MACROD2: variants seen among roughly 807,000 people sequenced by gnomAD.
MACROD2 encodes the protein mono-ADP ribosylhydrolase 2.
Under a neutral mutation model 70.4 loss-of-function variants are expected in MACROD2, and 36 were observed. The ratio of observed to expected loss-of-function variants is 0.51; its 90% CI spans 0.39 to 0.68. MACROD2 has a LOEUF of 0.68. Among genes scored for constraint, MACROD2 ranks in the 30% least tolerant of loss-of-function variants. The probability of loss-of-function intolerance (pLI) is 0.00; values close to 1 mark genes in which losing one functional copy is unlikely to be tolerated. For synonymous variants in MACROD2, 172 were observed against 178.8 expected, an observed-to-expected ratio of 0.96 and a Z score of 0.30; for missense variants, 496 against 538.4, an observed-to-expected ratio of 0.92 and a Z score of 0.78.
At chr20:14,176,204 A>T (rs1326132073) in intron 3 of MACROD2, among the ~76,000 whole-genome samples, 1 of 152,212 alleles carries the variant, frequency 6.6e-6, no homozygotes, top group African/African-American at 2.4e-5. Flanking sequence ...ACTATGAATC[A>T]TAGGATTGTG....
At chr20:14,223,556 G>A (rs913152308) in intron 3 of MACROD2, among the ~76,000 whole-genome samples, 1 of 149,260 alleles carries the variant, frequency 6.7e-6, no homozygotes, top group Non-Finnish European at 1.5e-5. Context: ...TGCCCAGGCT[G>A]GAGTGCAGTG....
chr20:14,433,883 A>G (rs1345222266), intron 3 of MACROD2, among the ~76,000 whole-genome samples: 20 of 152,154 alleles, frequency 1.3e-4, no homozygotes, highest in Admixed American at 1.3e-3. Context: ...TCTCTTCTCA[A>G]TGAAGCTTTA....
At chr20:15,420,705 C>T (rs758524730) in intron 6 of MACROD2, among the ~76,000 whole-genome samples, 17 of 151,932 alleles carry the variant, frequency 1.1e-4, no homozygotes, top group Non-Finnish European at 1.8e-4. Context: ...TTTAAATGTG[C>T]TTCTTCTTTA....
intron 5 of MACROD2, among the ~76,000 whole-genome samples, chr20:15,147,751 G>A (rs1030632371): frequency 1.3e-5 from 2 of 152,080 alleles, no homozygotes; most frequent in African/African-American, 2.4e-5. Flanking sequence ...CAACAAGACT[G>A]TTTATTTCAC....
intron 5 of MACROD2, among the ~76,000 whole-genome samples, chr20:14,956,173 G>A (rs569330565): frequency 2.0e-5 from 3 of 152,038 alleles, no homozygotes; most frequent in South Asian, 2.1e-4. Context: ...GGGGAAAAAA[G>A]CCTTGTTTAC....
intron 7 of MACROD2, among the ~76,000 whole-genome samples, chr20:15,482,955 T>G (rs928517389): frequency 3.9e-5 from 6 of 152,050 alleles, no homozygotes; most frequent in Non-Finnish European, 8.8e-5. Flanking sequence ...TTCTTGTATA[T>G]TTAGGATAAA....
At chr20:14,370,858 A>G (rs983907257) in intron 3 of MACROD2, among the ~76,000 whole-genome samples, 1 of 152,208 alleles carries the variant, frequency 6.6e-6, no homozygotes, top group Non-Finnish European at 1.5e-5. Context: ...GAGAAATGCA[A>G]TCTAAGTGGT....
rs143568316 is a variant in MACROD2 at position 14,312,018 on chromosome 20, G to C, written c.272-181461G>C. Among the ~76,000 whole-genome samples, 221 of 152,208 alleles carry C rather than the reference G, an allele frequency of 1.5e-3. 2 individuals carry two copies. The highest frequency in any genetic ancestry group is 5.2e-3 in the African/African-American group (215 of 41,522). ...TAATAAAATATTTTCTGAGTAACAA[G>C]TCATTTTCAAAATTCTCATTTTCAT... On this transcript the variant is annotated intron_variant, in intron 3 of 17. Coordinates refer to ENST00000684519, the MANE Select transcript of MACROD2 (RefSeq NM_001351661.2).
chr20:15,326,674 G>T (rs1170230627), intron 6 of MACROD2, among the ~76,000 whole-genome samples: 1 of 152,026 alleles, frequency 6.6e-6, no homozygotes, highest in Non-Finnish European at 1.5e-5. Context: ...GACAAGGATG[G>T]GGCTCTAAGA....
chr20:15,923,315 G>A (rs1282867480), intron 10 of MACROD2, among the ~76,000 whole-genome samples: 1 of 152,148 alleles, frequency 6.6e-6, no homozygotes, highest in African/African-American at 2.4e-5. Context: ...AGAAAATGAG[G>A]AAGAAGCAAA....
At chr20:15,247,887 G>A (rs113895897) in intron 6 of MACROD2, among the ~76,000 whole-genome samples, 2,675 of 152,172 alleles carry the variant, frequency 0.018, 83 homozygotes, top group African/African-American at 0.062. Flanking sequence ...TAGTAGAGAC[G>A]GGGTTTCACC....
intron 4 of MACROD2, among the ~76,000 whole-genome samples, chr20:14,522,433 C>T (rs1000567395): frequency 6.6e-6 from 1 of 152,152 alleles, no homozygotes; most frequent in Non-Finnish European, 1.5e-5. Context: ...GCAGTGTATT[C>T]AGAAGGCAGT....
chr20:14,407,478 T>A (rs1026116505), intron 3 of MACROD2, among the ~76,000 whole-genome samples: 1 of 152,148 alleles, frequency 6.6e-6, no homozygotes, highest in Admixed American at 6.6e-5. Context: ...GTGGTCTGAC[T>A]GCTAACATTG....
At chr20:15,145,245 T>C (rs1274894892) in intron 5 of MACROD2, among the ~76,000 whole-genome samples, 1 of 152,142 alleles carries the variant, frequency 6.6e-6, no homozygotes, top group Non-Finnish European at 1.5e-5. Flanking sequence ...GTGAAAGAAA[T>C]ACTCAAAAAA....
chr20:14,265,977 C>T (rs902832367), intron 3 of MACROD2, among the ~76,000 whole-genome samples: 2 of 152,202 alleles, frequency 1.3e-5, no homozygotes, highest in East Asian at 1.9e-4. Context: ...GGGGTTTCAC[C>T]GTGTTAGCCA....
intron 5 of MACROD2, among the ~76,000 whole-genome samples, chr20:14,719,277 T>G (rs114757865): frequency 0.011 from 1,687 of 152,084 alleles, 33 homozygotes; most frequent in African/African-American, 0.039. Context: ...GTCTAAGCAT[T>G]TATTACACAT....
chr20:14,387,542 G>A (rs1437792873), intron 3 of MACROD2, among the ~76,000 whole-genome samples: 1 of 152,076 alleles, frequency 6.6e-6, no homozygotes, highest in Non-Finnish European at 1.5e-5. Context: ...AGCCCAATAG[G>A]GTTGAAAGAA....
At chr20:15,049,113 A>G (rs2075418924) in intron 5 of MACROD2, among the ~76,000 whole-genome samples, 1 of 152,142 alleles carries the variant, frequency 6.6e-6, no homozygotes, top group South Asian at 2.1e-4. Context: ...ATAGGAACAG[A>G]TATAATACAT....
chr20:15,801,137 G>T (rs368867841), intron 8 of MACROD2, among the ~76,000 whole-genome samples: 2 of 146,694 alleles, frequency 1.4e-5, no homozygotes, highest in Non-Finnish European at 3.0e-5. Context: ...CTATTGTCCT[G>T]TGACCCTGCC....
Sources: allele counts gnomAD v4.1 joint callset (sites outside exome capture counted in the v4.1 genomes callset), GRCh38; gene constraint gnomAD v4.1.1; transcripts MANE v1.5; gene names NCBI Gene and HGNC (gene_info 2026-07-23, HGNC 2026-07-21).